Variants in RRBP1 observed in about 807,000 individuals in gnomAD.
The protein encoded by RRBP1 is ribosome-binding protein 1.
In RRBP1, 94 loss-of-function variants were observed where a neutral mutation model predicts 165.2. The observed-to-expected ratio is 0.57, with a 90% CI of 0.48 to 0.68. The LOEUF is 0.68. RRBP1 is among the 30% of genes least tolerant of loss of function. RRBP1 has a pLI of 0.00. For missense variants in RRBP1, 1,676 were observed against 1,763.0 expected (o/e 0.95, Z 0.88); for synonymous variants, 680 against 714.5 (o/e 0.95, Z 0.77).
chr20:17,635,040 A>G (rs1207879472), intron 7 of RRBP1, among the ~76,000 whole-genome samples: 1 of 152,090 alleles, frequency 6.6e-6, no homozygotes, highest in Non-Finnish European at 1.5e-5. Context: ...GACACTTCGG[A>G]CCAGAGAAAG....
rs1002523300 is a variant in RRBP1 at position 17,613,904 on chromosome 20, G to T, written c.*278C>A. ...AGCGCCCGGCCTCCCACACACCCAC[G>T]GGGCTGTCAGAGTCAACCAGGGCTT... On this transcript the variant is annotated 3_prime_UTR_variant, in exon 25 of 25. Coordinates refer to ENST00000377813, the MANE Select transcript of RRBP1 (RefSeq NM_001365613.2). The T allele has an allele frequency of 1.4e-5, 5 of 348,588 alleles. No homozygotes were observed. In the Admixed American group the frequency reaches 2.1e-4, roughly 14 times the overall value. The allele number at this position is 348,588 out of a possible 1,614,324, so 21.6% of individuals were successfully genotyped here.
intron 9 of RRBP1, among the ~76,000 whole-genome samples, chr20:17,628,818 G>A (rs762182671): frequency 6.6e-6 from 1 of 152,230 alleles, no homozygotes; most frequent in African/African-American, 2.4e-5. Flanking sequence ...GGAAGCTGGG[G>A]CCGTGCCTCC....
intron 5 of RRBP1, 127 bp downstream of exon 5, chr20:17,641,670 A>T: frequency 8.5e-7 from 1 of 1,170,454 alleles, no homozygotes; most frequent in Non-Finnish European, 1.3e-6. Flanking sequence ...CCTACTCAGC[A>T]GCCTGACAGC....
chr20:17,660,170 T>C lies in RRBP1; in HGVS notation c.338A>G (p.Gln113Arg), dbSNP rs1568783225. Residue 113 changes from glutamine to arginine, a missense_variant, in exon 3 of 25, where the codon CAG becomes CGG. Gln to Arg is a conservative substitution (Grantham distance 43, BLOSUM62 1). Around this residue, in one of 5 missense-constraint regions of RRBP1, gnomAD observed 392 missense variants for 382.5 expected, o/e 1.02. Coordinates refer to ENST00000377813, the MANE Select transcript of RRBP1 (RefSeq NM_001365613.2). ...GACAGGAGCAACGATAATGGGGGGC[T>C]GCACTGGGGTTGGAGCCACAGCCAC... ...PAVAVAPTPV[Q>R]PPIIVAPVAT... is the part of the protein sequence containing the mutation. 1.9e-6 allele frequency: 3 copies of C among 1,613,960 alleles called. No homozygotes were observed. The highest frequency in any genetic ancestry group is 2.5e-6 in the Non-Finnish European group (3 of 1,179,998).
rs998832465 is a variant in RRBP1, at chr20:17,665,985, T to C, written c.-21-5457A>G. ...CCACAGACTCAGATGGCCATTTCTGTGCCATTCAGTGGATCTGTTTCTAGA... is the reference window on the plus strand; with the variant it reads ...CCACAGACTCAGATGGCCATTTCTGCGCCATTCAGTGGATCTGTTTCTAGA... On this transcript the variant is annotated intron_variant, in intron 2 of 24. Transcript: ENST00000377813. 2.0e-5 allele frequency among the ~76,000 whole-genome samples: 3 copies of C among 152,312 alleles called. No homozygotes were observed. In the East Asian group the frequency reaches 5.8e-4, roughly 29 times the overall value.
At position 17,614,800 on chromosome 20, in the gene RRBP1, G is replaced by A. The variant is rs1285631669; in HGVS notation, c.4131C>T (p.Thr1377=). 1.9e-6 allele frequency: 3 copies of A among 1,613,816 alleles called. No individual in the cohort carries two copies. Among genetic ancestry groups the A allele is most frequent in the South Asian group, 1.1e-5 (1 of 91,078 alleles). ...CCTTCTCCCTTGCCAGCTGCTCCTG[G>A]GTCGTCTTCAGAAGCTCCTGCAGTC... ...ATRLQELLKT[T]QEQLAREKDT... is the part of the protein sequence containing the mutation. The change falls in exon 24 of 25, where the codon ACC becomes ACT. Residue 1377 remains threonine, a synonymous_variant. Coordinates refer to ENST00000377813, the MANE Select transcript of RRBP1 (RefSeq NM_001365613.2).
At chr20:17,621,296 A>T (rs541684065) in intron 16 of RRBP1, among the ~76,000 whole-genome samples, 162 bp downstream of exon 16, 1 of 152,290 alleles carries the variant, frequency 6.6e-6, no homozygotes, top group Non-Finnish European at 1.5e-5. Flanking sequence ...ACGACCTCAG[A>T]GGGTGCCATC....
At chr20:17,648,311 A>G (rs1177235455) in intron 3 of RRBP1, among the ~76,000 whole-genome samples, 1 of 152,220 alleles carries the variant, frequency 6.6e-6, no homozygotes, top group Non-Finnish European at 1.5e-5. Flanking sequence ...ATGAAGATCT[A>G]CCAAATGCTC....
At position 17,641,959 on chromosome 20, in the gene RRBP1, G is replaced by A. The variant is rs777524688; in HGVS notation, c.2062-40C>T. 3.1e-6 allele frequency: 5 copies of A among 1,594,020 alleles called. No homozygotes were observed. In the Admixed American group the frequency reaches 5.1e-5, roughly 16 times the overall value. On this transcript the variant is annotated intron_variant, in intron 4 of 24. Coordinates refer to ENST00000377813, the MANE Select transcript of RRBP1 (RefSeq NM_001365613.2). ...AGATGCGTTAACAGAGGGGACAAAT[G>A]GGACTTGGCTCATCCCCTGACCCCG...
rs202039941 is a variant in RRBP1 at position 17,659,058 on chromosome 20, C to T, written c.1450G>A (p.Gly484Arg). The T allele has an allele frequency of 7.4e-4, 1,147 of 1,550,374 alleles. 7 individuals are homozygous for T. Among genetic ancestry groups the T allele is most frequent in the Non-Finnish European group, 9.0e-4 (1,034 of 1,146,752 alleles). The change falls in exon 3 of 25, where the codon GGG becomes AGG. Residue 484 changes from glycine (G) to arginine (R), a missense_variant. Transcript: ENST00000377813. ...GCCTTCTTGCCCTGGTTCTGGGCCC[C>T]CTCAGCCTTCTTGCCCTGGTTCTGG... ...GAQNQGKKAE[G>R]AQNQGKKAEG...
At chr20:17,657,364 T>C (rs1260924758) in intron 3 of RRBP1, among the ~76,000 whole-genome samples, 1 of 152,040 alleles carries the variant, frequency 6.6e-6, no homozygotes, top group Non-Finnish European at 1.5e-5. Context: ...AAATGGCCCA[T>C]CAAAAACAGC....
intron 3 of RRBP1, among the ~76,000 whole-genome samples, chr20:17,652,183 C>A (rs887939707): frequency 2.6e-5 from 4 of 152,242 alleles, no homozygotes; most frequent in African/African-American, 9.6e-5. Context: ...TCAGAAGGTC[C>A]TGTTTAGAGC....
intron 7 of RRBP1, among the ~76,000 whole-genome samples, chr20:17,635,331 C>T (rs1433858758): frequency 6.6e-6 from 1 of 152,192 alleles, no homozygotes; most frequent in African/African-American, 2.4e-5. Context: ...AGGGCACAGT[C>T]GAGGCCCACC....
At position 17,613,929 on chromosome 20, in the gene RRBP1, T is replaced by C. The variant is rs962104761; in HGVS notation, c.*253A>G. 2 of 478,954 alleles carry C rather than the reference T, an allele frequency of 4.2e-6. No homozygotes were observed. The highest frequency in any genetic ancestry group is 7.5e-6 in the Non-Finnish European group (2 of 265,776). The allele number at this position is 478,954 out of a possible 1,614,324, so 29.7% of individuals were successfully genotyped here. ...GGGGCTGTCAGAGTCAACCAGGGCT[T>C]TGGCGTCACTCGGCGGTGGCCCGGG... On this transcript the variant is annotated 3_prime_UTR_variant, in exon 25 of 25. Coordinates refer to ENST00000377813, the MANE Select transcript of RRBP1 (RefSeq NM_001365613.2).
chr20:17,627,450 C>T, intron 10 of RRBP1, 54 bp downstream of exon 10: 1 of 1,609,870 alleles, frequency 6.2e-7, no homozygotes, highest in Non-Finnish European at 8.5e-7. Context: ...CTAGTCCACC[C>T]ACCTGCTAGA....
chr20:17,652,753 C>T (rs1275795300), intron 3 of RRBP1, among the ~76,000 whole-genome samples: 5 of 152,202 alleles, frequency 3.3e-5, no homozygotes, highest in Non-Finnish European at 5.9e-5. Context: ...CCAGTGGGGG[C>T]CGCCGCAGCC....
chr20:17,613,857 T>C lies in RRBP1; in HGVS notation c.*325A>G. 3.3e-6 allele frequency: 1 copy of C among 301,210 alleles called. No individual in the cohort carries two copies. Among genetic ancestry groups the C allele is most frequent in the South Asian group, 5.1e-5 (1 of 19,770 alleles). The allele number at this position is 301,210 out of a possible 1,614,324, so 18.7% of individuals were successfully genotyped here. ...CCCCACTGAAAAAACACTAAACGAT[T>C]GCACTGACAGACAGACCCCAGAGCG... On this transcript the variant is annotated 3_prime_UTR_variant, in exon 25 of 25. Transcript: ENST00000377813.
intron 1 of RRBP1, among the ~76,000 whole-genome samples, chr20:17,680,383 C>T (rs1446048778): frequency 1.3e-5 from 2 of 152,154 alleles, no homozygotes; most frequent in African/African-American, 2.4e-5. Context: ...GAGGCCCTAC[C>T]AGGCCCATTT....
chr20:17,622,086 A>G lies in RRBP1; in HGVS notation c.3148-139T>C, dbSNP rs555426063. ...CTCTTCAGGGAAGCGACAAGAATCAAAGGAGAAGATGAGGCTCCATGGGGC... is the reference window on the plus strand; with the variant it reads ...CTCTTCAGGGAAGCGACAAGAATCAGAGGAGAAGATGAGGCTCCATGGGGC... On this transcript the variant is annotated intron_variant, in intron 13 of 24. Coordinates refer to ENST00000377813, the MANE Select transcript of RRBP1 (RefSeq NM_001365613.2). 112 of 671,076 alleles carry G rather than the reference A, an allele frequency of 1.7e-4. No individual in the cohort carries two copies. The African/African-American group carries it at 1.8e-3, about 11-fold the overall frequency. 41.6% of individuals were successfully genotyped at this position (671,076 alleles called of 1,614,324 possible). A position where few individuals can be genotyped will look rare whatever the true frequency, so the allele number is the denominator to read the frequency against.
Sources: gnomAD v4.1 joint callset for allele counts (sites outside exome capture counted in the v4.1 genomes callset) on GRCh38, gnomAD v4.1.1 for gene constraint, gnomAD v4.1.1 regional missense constraint, MANE v1.5 for transcripts, NCBI Gene and HGNC (gene_info 2026-07-23, HGNC 2026-07-21) for gene names.